SBNO2: variants seen among roughly 807,000 people sequenced by gnomAD.
SBNO2 encodes protein strawberry notch homolog 2.
A neutral mutation model predicts 146.3 loss-of-function variants in SBNO2; 89 were observed. The observed-to-expected ratio is 0.61, with a 90% CI of 0.51 to 0.73. The LOEUF (loss-of-function observed/expected upper bound fraction) is 0.73. Ranked by LOEUF, SBNO2 falls within the 30% of genes least tolerant of loss-of-function variation. SBNO2 has a pLI of 0.00. For missense variants in SBNO2, 2,092 were observed against 2,003.7 expected, an observed-to-expected ratio of 1.04 and a Z score of -0.84; for synonymous variants, 1,147 against 892.6, an observed-to-expected ratio of 1.29 and a Z score of -5.08.
At chr19:1,171,184 C>A (rs1026785228) in intron 1 of SBNO2, among the ~76,000 whole-genome samples, 3 of 152,036 alleles carry the variant, frequency 2.0e-5, no homozygotes, top group African/African-American at 7.2e-5. Context: ...GAGCAACACA[C>A]ACATGCACAG....
intron 5 of SBNO2, 108 bp from the exon 6 acceptor site, chr19:1,124,130 C>T: frequency 5.0e-6 from 5 of 996,712 alleles, no homozygotes; most frequent in Non-Finnish European, 7.7e-6. Flanking sequence ...CCGTCCTCGC[C>T]TCCCCATCCT....
In SBNO2 at chr19:1,114,237, C is replaced by A; in HGVS notation, c.2071G>T (p.Asp691Tyr). The stretch of plus-strand genomic sequence containing the variant: ...AGCCTGGGCAAGCCCTCACCCCGGT[C>A]GTCACTGGGGAGCCCGACTGCATCA... ...IVDAVGLPSD[D>Y]RGPLCLLQRD... The change falls in exon 18 of 32, where the codon GAC becomes TAC. Residue 691 changes from aspartate to tyrosine, a missense_variant. Physicochemically the swap from Asp to Tyr is radical, Grantham distance 160. Transcript: ENST00000361757. 1 of 1,491,628 alleles carries A rather than the reference C, an allele frequency of 6.7e-7. No individual in the cohort carries two copies. Among genetic ancestry groups the A allele is most frequent in the Non-Finnish European group, 9.0e-7 (1 of 1,112,614 alleles). The allele number at this position is 1,491,628 out of a possible 1,614,324, so 92.4% of individuals were successfully genotyped here.
At chr19:1,129,762 C>T (rs1054934667) in intron 4 of SBNO2, among the ~76,000 whole-genome samples, 4 of 152,204 alleles carry the variant, frequency 2.6e-5, no homozygotes, top group East Asian at 3.8e-4. Context: ...GGCCCAGAAC[C>T]GCCCAGGCCT....
In SBNO2 at chr19:1,109,256, C is replaced by T; in HGVS notation, c.3348+36G>A. ...TGAGCCTGGGCGGGGTCAGGGCCGG[C>T]AACCCGAGCGAAAGCTGCGCCCGGC... is the stretch of plus-strand genomic sequence containing the variant. On this transcript the variant is annotated intron_variant, in intron 29 of 31. Coordinates refer to ENST00000361757, the MANE Select transcript of SBNO2 (RefSeq NM_014963.3). This position sits in a 1 kb window ranked among gnomAD's most constrained non-coding sequence, Gnocchi z 4.2. 1 of 1,578,114 alleles carries T rather than the reference C, an allele frequency of 6.3e-7. No homozygotes were observed. The highest frequency in any genetic ancestry group is 8.6e-7 in the Non-Finnish European group (1 of 1,162,736).
intron 1 of SBNO2, among the ~76,000 whole-genome samples, chr19:1,162,992 AGACCCCACAGTGCCTGC>A (rs2080364232): frequency 6.6e-6 from 1 of 152,204 alleles, no homozygotes; most frequent in Admixed American, 6.5e-5. Context: ...GGGCAGGATC[AGACCCCACAGTGCCTGC>A]GGGCCACAAG....
At chr19:1,115,768 C>A (rs751517509) in intron 17 of SBNO2, 1 of 567,042 alleles carries the variant, frequency 1.8e-6, no homozygotes, top group Non-Finnish European at 3.1e-6. Flanking sequence ...GTGTCCCGCC[C>A]CCCGGGTCTC....
rs1351591533 is a variant in SBNO2, at chr19:1,112,170, C to T, written c.2628+19G>A. ...CCTGGGCCTGTCCCTGGTTCTCAGCCCCACCCCCACCTGCTCACCAGACTC... is the reference window on the plus strand; with the variant it reads ...CCTGGGCCTGTCCCTGGTTCTCAGCTCCACCCCCACCTGCTCACCAGACTC... On this transcript the variant is annotated intron_variant, in intron 22 of 31. Transcript: ENST00000361757. This position sits in a 1 kb window ranked among gnomAD's most constrained non-coding sequence, Gnocchi z 5.9. 4 of 1,583,158 alleles carry T rather than the reference C, an allele frequency of 2.5e-6. No homozygotes were observed. In the African/African-American group the frequency reaches 4.0e-5, roughly 16 times the overall value.
chr19:1,171,112 A>C (rs2080473218), intron 1 of SBNO2, among the ~76,000 whole-genome samples: 1 of 151,716 alleles, frequency 6.6e-6, no homozygotes, highest in Admixed American at 6.6e-5. Context: ...ACAACACACA[A>C]ACACGGATGC....
intron 2 of SBNO2, 78 bp from the exon 3 acceptor site, chr19:1,149,520 T>A (rs1203179618): frequency 2.3e-5 from 32 of 1,374,042 alleles, no homozygotes; most frequent in Non-Finnish European, 3.1e-5. Flanking sequence ...CCGGGCAGGG[T>A]GACAGGCCGA....
At chr19:1,163,914 G>A (rs1363802678) in intron 1 of SBNO2, among the ~76,000 whole-genome samples, 3 of 152,282 alleles carry the variant, frequency 2.0e-5, no homozygotes, top group East Asian at 3.9e-4. Flanking sequence ...CAGCCTCACC[G>A]CCCCATACCC....
chr19:1,167,561 A>G (rs1338198044), intron 1 of SBNO2, among the ~76,000 whole-genome samples: 1 of 152,210 alleles, frequency 6.6e-6, no homozygotes, highest in Non-Finnish European at 1.5e-5. Flanking sequence ...CCAGCAGGGC[A>G]AGGTCCCTCT....
rs1325013798 is a variant in SBNO2, at chr19:1,117,380, G to A, written c.1647C>T (p.Ile549=). 8.8e-6 allele frequency: 14 copies of A among 1,587,518 alleles called. No individual in the cohort carries two copies. Among genetic ancestry groups the A allele is most frequent in the East Asian group, 2.3e-5 (1 of 43,378 alleles). ...AHQRFFKYLC[I]AAKVRRLVEL... ...CCACCAGCCGGCGCACCTTGGCTGCGATGCACAGATACTTGAAGAAGCGCT... is the reference window on the plus strand; with the variant it reads ...CCACCAGCCGGCGCACCTTGGCTGCAATGCACAGATACTTGAAGAAGCGCT... The change falls in exon 15 of 32, where the codon ATC becomes ATT. Residue 549 remains isoleucine, a synonymous_variant. Transcript: ENST00000361757.
Position 1,123,989 on chromosome 19 carries a change from C to T in SBNO2, c.475G>A (p.Glu159Lys), listed in dbSNP as rs752536727. 5.9e-5 allele frequency: 95 copies of T among 1,611,944 alleles called. No individual in the cohort carries two copies. The highest frequency in any genetic ancestry group is 7.2e-5 in the Non-Finnish European group (85 of 1,179,422). Residue 159 changes from glutamate (E) to lysine (K), a missense_variant, in exon 6 of 32, where the codon GAG (glutamate) becomes AAG (lysine). Glu to Lys is a moderately conservative substitution (Grantham distance 56). Transcript: ENST00000361757. ...FQLSRPFAGF[E>K]DFLPSHSTPL... ...GTGCTGTGGGAGGGCAGAAAGTCCT[C>T]GAAGCCTGCAAACGGCCTGCTGAGC... is the stretch of plus-strand genomic sequence containing the variant.
At position 1,109,077 on chromosome 19, in the gene SBNO2, T is replaced by C. The variant is rs559308157; in HGVS notation, c.3425+58A>G. The C allele has an allele frequency of 6.0e-4, 928 of 1,535,694 alleles. 4 individuals carry two copies. The African/African-American group carries it at 0.011, about 19-fold the overall frequency. Reference sequence around the variant, plus strand: ...CTCTCAGGGTCTCGGGAGCCCCCGATCCCCGCCTGGGTCGCCGCCATCTGC... The same window carrying C: ...CTCTCAGGGTCTCGGGAGCCCCCGACCCCCGCCTGGGTCGCCGCCATCTGC... On this transcript the variant is annotated intron_variant, in intron 30 of 31. Coordinates refer to ENST00000361757, the MANE Select transcript of SBNO2 (RefSeq NM_014963.3). This position sits in a 1 kb window ranked among gnomAD's most constrained non-coding sequence, Gnocchi z 4.2.
rs1437809995 is a variant in SBNO2, at chr19:1,126,928, C to A, written c.441+676G>T. Among the ~76,000 whole-genome samples, 1 of 152,204 alleles carries A rather than the reference C, an allele frequency of 6.6e-6. No homozygotes were observed. The highest frequency in any genetic ancestry group is 1.5e-5 in the Non-Finnish European group (1 of 68,028). ...AGGCTAGGCCCGAAGAACCTGGGGG[C>A]CCTGCTGCCCTACAACCCCTGCTCT... On this transcript the variant is annotated intron_variant, in intron 5 of 31. Coordinates refer to ENST00000361757, the MANE Select transcript of SBNO2 (RefSeq NM_014963.3). This position sits in a 1 kb window ranked among gnomAD's most constrained non-coding sequence, Gnocchi z 4.4.
intron 16 of SBNO2, among the ~76,000 whole-genome samples, 189 bp downstream of exon 16, chr19:1,116,640 T>A (rs945823238): frequency 6.6e-6 from 1 of 152,010 alleles, no homozygotes; most frequent in Non-Finnish European, 1.5e-5. Flanking sequence ...GGGGTCCACC[T>A]CCAAGCCTCT....
Position 1,122,766 on chromosome 19 carries a change from CCGCTG to C in SBNO2, c.801_805del (p.Ser268AlafsTer71). 6.5e-7 allele frequency: 1 copy of C among 1,537,810 alleles called. No homozygotes were observed. Among genetic ancestry groups the C allele is most frequent in the Non-Finnish European group, 8.7e-7 (1 of 1,146,506 alleles). Reference sequence around the variant, plus strand: ...GCCGATGAGAAAGCCCGCGCGCTGCCCGCTGGGGAGCAGGACCTCGTGTTGCTGTT... The same window carrying C: ...GCCGATGAGAAAGCCCGCGCGCTGCCGGGAGCAGGACCTCGTGTTGCTGTT... On this transcript the variant is annotated frameshift_variant, in exon 9 of 32. Coordinates refer to ENST00000361757, the MANE Select transcript of SBNO2 (RefSeq NM_014963.3). LOFTEE classifies it high-confidence loss of function.
intron 11 of SBNO2, 80 bp downstream of exon 11, chr19:1,122,059 C>A: frequency 4.1e-6 from 4 of 974,184 alleles, no homozygotes; most frequent in South Asian, 2.4e-5. Flanking sequence ...TCCCACCCCT[C>A]CTCTCCCACT....
chr19:1,149,855 C>T (rs1008358153), intron 2 of SBNO2, among the ~76,000 whole-genome samples: 7 of 152,188 alleles, frequency 4.6e-5, no homozygotes, highest in Non-Finnish European at 2.9e-5. Flanking sequence ...GACGCGCACC[C>T]GCTGCCTGTG....
Sources: gnomAD v4.1 joint callset for allele counts (sites outside exome capture counted in the v4.1 genomes callset) on GRCh38, gnomAD v4.1.1 for gene constraint, Gnocchi (gnomAD v3.1) non-coding constraint, MANE v1.5 for transcripts, NCBI Gene and HGNC (gene_info 2026-07-23, HGNC 2026-07-21) for gene names.